The following KCTD14 variants were observed in gnomAD, a reference collection of about 807,000 sequenced individuals.
The protein encoded by KCTD14 is potassium channel tetramerization domain containing 14.
In KCTD14, 7 loss-of-function variants were observed where a neutral mutation model predicts 5.9. That is an observed-to-expected ratio of 1.19 (90% CI 0.68 to 2.23). The LOEUF is 2.23. KCTD14 is among the 30% of genes most tolerant of loss of function. The pLI is 0.00. For synonymous variants in KCTD14, 140 were observed against 133.1 expected, an observed-to-expected ratio of 1.05 and a Z score of -0.36; for missense variants, 342 against 332.2, an observed-to-expected ratio of 1.03 and a Z score of -0.23.
In KCTD14 at chr11:78,023,168, G is replaced by A; in HGVS notation, c.82C>T (p.Arg28Trp). ...GCTAGCCTCGCACTTACCGTTGGCCGCCTGGGCCGGGGGGACTGGGGCAGA... is the reference window on the plus strand; with the variant it reads ...GCTAGCCTCGCACTTACCGTTGGCCACCTGGGCCGGGGGGACTGGGGCAGA... Reference protein sequence around the residue: ...TPLPQSPRPRRPTMSTVVELN... With the variant: ...TPLPQSPRPRWPTMSTVVELN... The change falls in exon 1 of 2, where the codon CGG becomes TGG. Residue 28 changes from arginine (R) to tryptophan (W), a missense_variant. Physicochemically the swap from Arg to Trp is moderately radical, Grantham distance 101 (BLOSUM62 -3). Transcript: ENST00000353172. 6.3e-7 allele frequency: 1 copy of A among 1,589,074 alleles called. No homozygotes were observed.
intron 1 of KCTD14, among the ~76,000 whole-genome samples, chr11:78,039,083 A>C (rs554499030): frequency 6.6e-6 from 1 of 151,744 alleles, no homozygotes; most frequent in Non-Finnish European, 1.5e-5. Context: ...AAAAAAAAAA[A>C]AACACAAAAA....
chr11:78,035,177 G>T (rs1397448707), intron 2 of KCTD14, among the ~76,000 whole-genome samples: 1 of 152,114 alleles, frequency 6.6e-6, no homozygotes, highest in Non-Finnish European at 1.5e-5. Flanking sequence ...AGAGCATGCT[G>T]TAACTCTTCT....
chr11:78,031,011 T>C (rs985064715), intron 2 of KCTD14, among the ~76,000 whole-genome samples: 15 of 152,016 alleles, frequency 9.9e-5, no homozygotes, highest in Non-Finnish European at 2.9e-5. Context: ...CTTTATCCCA[T>C]TGACTCTTCA....
intron 1 of KCTD14, among the ~76,000 whole-genome samples, chr11:78,041,904 C>T (rs1858003706): frequency 6.6e-6 from 1 of 152,214 alleles, no homozygotes. Flanking sequence ...CTTCCGTGAC[C>T]CACGGCTTCT....
At chr11:78,037,585 C>G (rs755156916) in intron 2 of KCTD14, among the ~76,000 whole-genome samples, 9 of 152,188 alleles carry the variant, frequency 5.9e-5, no homozygotes, top group Non-Finnish European at 1.0e-4. Context: ...GCTTTCAGAC[C>G]CTGCCCATGT....
chr11:78,027,189 T>G (rs1227332285), upstream of KCTD14, among the ~76,000 whole-genome samples: 1 of 152,156 alleles, frequency 6.6e-6, no homozygotes, highest in Non-Finnish European at 1.5e-5. Context: ...CCGAAAAGAC[T>G]GGACAGCTGG....
At chr11:78,039,338 G>A (rs926231068) in intron 1 of KCTD14, among the ~76,000 whole-genome samples, 2 of 151,220 alleles carry the variant, frequency 1.3e-5, no homozygotes, top group African/African-American at 2.4e-5. Context: ...AAAATGTGGA[G>A]AGATCCCATC....
intron 2 of KCTD14, among the ~76,000 whole-genome samples, chr11:78,037,628 G>A (rs1392829836): frequency 6.6e-6 from 1 of 152,124 alleles, no homozygotes; most frequent in Non-Finnish European, 1.5e-5. Flanking sequence ...CAGCCAGCCT[G>A]GCCAAAATGG....
At chr11:78,020,630 A>G (rs917048305) in intron 1 of KCTD14, among the ~76,000 whole-genome samples, 5 of 152,208 alleles carry the variant, frequency 3.3e-5, no homozygotes, top group Non-Finnish European at 7.3e-5. Context: ...CCTTGAATGG[A>G]CCAATATGTT....
intron 2 of KCTD14, among the ~76,000 whole-genome samples, chr11:78,032,882 A>G (rs908223931): frequency 2.6e-5 from 4 of 151,754 alleles, no homozygotes. Flanking sequence ...GGGTCTCACT[A>G]TGTTGCCCAA....
chr11:78,040,338 TTTTC>T lies in KCTD14; in HGVS notation c.-95-1584_-95-1581del, dbSNP rs139891448. Among the ~76,000 whole-genome samples, 1,105 of 152,268 alleles carry T rather than the reference TTTTC, an allele frequency of 7.3e-3. 16 individuals are homozygous for T. The highest frequency in any genetic ancestry group is 0.025 in the African/African-American group (1,054 of 41,564). On this transcript the variant is annotated intron_variant, in intron 1 of 2. Transcript: ENST00000533144. ...CTTCTCCTTCTCTCTTCCTTGTCTC[TTTTC>T]TTTCTTTCTTTCTTCTTTTTTTCCT...
chr11:78,016,532 G>C lies in KCTD14; in HGVS notation c.*61C>G. On this transcript the variant is annotated 3_prime_UTR_variant, in exon 2 of 2. Transcript: ENST00000353172. The stretch of plus-strand genomic sequence containing the variant: ...TGTGAAATTAAAAGAAAATGGCTTT[G>C]ATGGCAACTTTTAATTTCATAAGCC... 1 of 1,449,880 alleles carries C rather than the reference G, an allele frequency of 6.9e-7. No individual in the cohort carries two copies. The highest frequency in any genetic ancestry group is 9.4e-7 in the Non-Finnish European group (1 of 1,061,272). 89.8% of individuals were successfully genotyped at this position (1,449,880 alleles called of 1,614,324 possible).
At chr11:78,042,233 C>T (rs1390502839) in intron 1 of KCTD14, among the ~76,000 whole-genome samples, 1 of 152,198 alleles carries the variant, frequency 6.6e-6, no homozygotes, top group South Asian at 2.1e-4. Context: ...AATGGCTGGA[C>T]ACGGTGGCTT....
intron 2 of KCTD14, among the ~76,000 whole-genome samples, chr11:78,030,035 C>T (rs1857572202): frequency 6.6e-6 from 1 of 152,160 alleles, no homozygotes; most frequent in Non-Finnish European, 1.5e-5. Flanking sequence ...CCACCTGCCT[C>T]AGCCTCCCAA....
intron 1 of KCTD14, among the ~76,000 whole-genome samples, chr11:78,018,782 T>C (rs899671624): frequency 2.0e-5 from 3 of 151,834 alleles, no homozygotes; most frequent in Admixed American, 6.6e-5. Context: ...CAACCTGGGA[T>C]GCTCAACTCT....
chr11:78,026,591 A>G (rs1030266137), upstream of KCTD14, among the ~76,000 whole-genome samples: 1 of 152,116 alleles, frequency 6.6e-6, no homozygotes, highest in African/African-American at 2.4e-5. Flanking sequence ...CAACATGGTG[A>G]GTCCCCATGT....
chr11:78,021,348 T>C (rs535695602), intron 1 of KCTD14, among the ~76,000 whole-genome samples: 3 of 151,004 alleles, frequency 2.0e-5, no homozygotes, highest in African/African-American at 7.3e-5. Flanking sequence ...CACTGACATC[T>C]TCAGCTCCAT....
chr11:78,035,072 G>A (rs9651740), intron 2 of KCTD14, among the ~76,000 whole-genome samples: 81,354 of 151,878 alleles, frequency 0.54, 22,070 homozygotes, highest in African/African-American at 0.62. Flanking sequence ...TGGAGTTTCC[G>A]GTTAGGTGAC....
upstream of KCTD14, among the ~76,000 whole-genome samples, chr11:78,025,126 A>G (rs1446053727): frequency 5.2e-4 from 29 of 55,748 alleles, no homozygotes; most frequent in African/African-American, 2.3e-3. Context: ...GTGTATATAT[A>G]TATATATATA....
Sources: allele counts gnomAD v4.1 joint callset (sites outside exome capture counted in the v4.1 genomes callset), GRCh38; gene constraint gnomAD v4.1.1; transcripts MANE v1.5; gene names NCBI Gene and HGNC (gene_info 2026-07-23, HGNC 2026-07-21).